Variants in HMCN1 observed in about 807,000 individuals in gnomAD.
HMCN1 encodes hemicentin 1, also known as hemicentin-1.
Under a neutral mutation model 625.9 loss-of-function variants are expected in HMCN1, and 321 were observed. The observed-to-expected ratio is 0.51, with a 90% CI of 0.47 to 0.56. HMCN1 has a LOEUF of 0.56. Among genes scored for constraint, HMCN1 ranks in the 20% least tolerant of loss-of-function variants. The probability of loss-of-function intolerance (pLI) is 0.00; values close to 1 mark genes in which losing one functional copy is unlikely to be tolerated. For missense variants in HMCN1, 6,588 were observed against 6,887.3 expected, an observed-to-expected ratio of 0.96 and a Z score of 1.54; for synonymous variants, 2,425 against 2,417.6, an observed-to-expected ratio of 1.00 and a Z score of -0.09.
At chr1:185,741,017 CA>C (rs1041120023) in intron 1 of HMCN1, among the ~76,000 whole-genome samples, 6 of 151,992 alleles carry the variant, frequency 3.9e-5, no homozygotes, top group Admixed American at 2.0e-4. Flanking sequence ...AAAACAAAAA[CA>C]AAAACAAGTT....
At position 185,864,533 on chromosome 1, in the gene HMCN1, C is replaced by T; in HGVS notation, c.403C>T (p.Pro135Ser). ...AAAAATTGCCTTGGAAATTTCTCTT[C>T]CTGGTTCTTTCATCTATGTTTTCAC... is the stretch of plus-strand genomic sequence containing the variant. ...AIKIALEISL[P>S]GSFIYVFTDA... The change falls in exon 3 of 107, where the codon CCT becomes TCT. Residue 135 changes from proline (P) to serine (S), a missense_variant. Transcript: ENST00000271588. 1 of 1,613,994 alleles carries T rather than the reference C, an allele frequency of 6.2e-7. No homozygotes were observed. The highest frequency in any genetic ancestry group is 8.5e-7 in the Non-Finnish European group (1 of 1,179,928).
intron 1 of HMCN1, among the ~76,000 whole-genome samples, chr1:185,796,432 C>T (rs754605402): frequency 6.6e-5 from 10 of 152,214 alleles, no homozygotes; most frequent in Non-Finnish European, 1.2e-4. Flanking sequence ...GTTCCACCTT[C>T]CCACATTTCT....
intron 69 of HMCN1, 67 bp from the exon 70 acceptor site, chr1:186,106,817 G>A: frequency 9.0e-7 from 1 of 1,113,892 alleles, no homozygotes; most frequent in Non-Finnish European, 1.4e-6. Context: ...TCATTCTAGT[G>A]GATATTTATT....
intron 4 of HMCN1, among the ~76,000 whole-genome samples, chr1:185,886,693 A>G (rs1275037550): frequency 6.6e-6 from 1 of 152,070 alleles, no homozygotes; most frequent in Non-Finnish European, 1.5e-5. Context: ...ATACACTCCA[A>G]TGTCAGCTCT....
chr1:185,796,247 G>A (rs756565376), intron 1 of HMCN1, among the ~76,000 whole-genome samples: 2 of 152,184 alleles, frequency 1.3e-5, no homozygotes, highest in African/African-American at 2.4e-5. Context: ...GATAGGGTTT[G>A]TGCTCCTAGG....
At chr1:185,964,581 A>G (rs1650261171) in intron 13 of HMCN1, among the ~76,000 whole-genome samples, 1 of 152,156 alleles carries the variant, frequency 6.6e-6, no homozygotes, top group African/African-American at 2.4e-5. Flanking sequence ...GGTGAGGGAG[A>G]GAACCAAAAT....
At position 186,055,441 on chromosome 1, in the gene HMCN1, T is replaced by C; in HGVS notation, c.6911T>C (p.Val2304Ala). The C allele has an allele frequency of 6.2e-7, 1 of 1,612,724 alleles. No individual in the cohort carries two copies. Among genetic ancestry groups the C allele is most frequent in the East Asian group, 2.2e-5 (1 of 44,802 alleles). ...NSGSHPTEII[V>A]TRGKSISLEC... ...GGCAGCCACCCTACTGAAATTATTG[T>C]GACCCGAGGGAAGAGTATCTCCTTG... The change falls in exon 45 of 107, where the codon GTG (valine) becomes GCG (alanine). Residue 2304 changes from valine (V) to alanine (A), a missense_variant. This residue lies in a region of HMCN1 where 4,628 missense variants were observed against 4,853.1 expected (regional missense o/e 0.95). Coordinates refer to ENST00000271588, the MANE Select transcript of HMCN1 (RefSeq NM_031935.3).
chr1:186,099,706 A>C (rs1220345550), intron 68 of HMCN1, among the ~76,000 whole-genome samples: 1 of 152,144 alleles, frequency 6.6e-6, no homozygotes, highest in East Asian at 1.9e-4. Flanking sequence ...CTGAGCCCTG[A>C]AGAGTAGGAC....
At position 186,100,047 on chromosome 1, in the gene HMCN1, C is replaced by G. The variant is rs115370193; in HGVS notation, c.10574-3425C>G. ...CAGCCTGTAAATGCAGGGGCCTGGT[C>G]TAGCATGTGGCAGGGGGAGGGGGAG... is the stretch of plus-strand genomic sequence containing the variant. On this transcript the variant is annotated intron_variant, in intron 68 of 106. Coordinates refer to ENST00000271588, the MANE Select transcript of HMCN1 (RefSeq NM_031935.3). 9.6e-3 allele frequency among the ~76,000 whole-genome samples: 1,461 copies of G among 151,970 alleles called. 22 individuals carry two copies. Among genetic ancestry groups the G allele is most frequent in the African/African-American group, 0.033 (1,378 of 41,452 alleles).
intron 93 of HMCN1, among the ~76,000 whole-genome samples, chr1:186,150,319 A>G (rs1650588296): frequency 6.6e-6 from 1 of 152,228 alleles, no homozygotes. Context: ...TTGTCAAAGC[A>G]TGAAATTCAT....
chr1:185,852,390 A>T (rs538759586), intron 2 of HMCN1, among the ~76,000 whole-genome samples: 2 of 152,104 alleles, frequency 1.3e-5, no homozygotes, highest in South Asian at 4.1e-4. Context: ...AAGAAAGCAA[A>T]TACATTTTAA....
chr1:185,772,118 G>A (rs1215377262), intron 1 of HMCN1, among the ~76,000 whole-genome samples: 1 of 152,122 alleles, frequency 6.6e-6, no homozygotes, highest in Non-Finnish European at 1.5e-5. Context: ...ATCTAGAGTG[G>A]CTAAAGAATA....
At chr1:185,971,811 C>A in intron 15 of HMCN1, among the ~76,000 whole-genome samples, 1 of 152,072 alleles carries the variant, frequency 6.6e-6, no homozygotes, top group Non-Finnish European at 1.5e-5. Context: ...GGTGATTATG[C>A]CCTTGGGGGA....
intron 74 of HMCN1, 22 bp downstream of exon 74, chr1:186,114,968 A>G (rs777902165): frequency 6.2e-7 from 1 of 1,614,082 alleles, no homozygotes; most frequent in Non-Finnish European, 8.5e-7. Flanking sequence ...TTTATAGACA[A>G]CATCCGGTCT....
chr1:185,830,761 G>A (rs532762970), intron 1 of HMCN1, among the ~76,000 whole-genome samples: 2 of 152,160 alleles, frequency 1.3e-5, no homozygotes, highest in East Asian at 3.9e-4. Flanking sequence ...GGTGGTGTGT[G>A]CCTGTAGTCT....
rs190199790 is a variant in HMCN1, at chr1:185,768,202, G to A, written c.268+33155G>A. Among the ~76,000 whole-genome samples the A allele has an allele frequency of 5.6e-3, 847 of 152,180 alleles. 7 individuals carry two copies. The highest frequency in any genetic ancestry group is 0.022 in the South Asian group (106 of 4,822). On this transcript the variant is annotated intron_variant, in intron 1 of 106. Transcript: ENST00000271588. Reference sequence around the variant, plus strand: ...ACTTCGTTCAGAAAACTTACAATTGGTATAACCAAGGGCCAGGATGACTCT... The same window carrying A: ...ACTTCGTTCAGAAAACTTACAATTGATATAACCAAGGGCCAGGATGACTCT...
At position 186,189,584 on chromosome 1, in the gene HMCN1, C is replaced by T. The variant is rs907510108; in HGVS notation, c.16614C>T (p.Leu5538=). The T allele has an allele frequency of 1.4e-5, 23 of 1,613,502 alleles. No individual in the cohort carries two copies. Among genetic ancestry groups the T allele is most frequent in the South Asian group, 2.2e-5 (2 of 91,044 alleles). ...ALSPYALEYK[L]VSLPFGIATN... ...GCCCATATGCCTTGGAATACAAACT[C>T]GTCTCCCTCCCATTTGGAATAGCCA... The change falls in exon 107 of 107, where the codon CTC becomes CTT. Residue 5538 remains leucine, a synonymous_variant. Transcript: ENST00000271588.
chr1:186,189,911 A>C lies in HMCN1; in HGVS notation c.*33A>C. 1 of 1,610,252 alleles carries C rather than the reference A, an allele frequency of 6.2e-7. No individual in the cohort carries two copies. Among genetic ancestry groups the C allele is most frequent in the Non-Finnish European group, 8.5e-7 (1 of 1,178,632 alleles). On this transcript the variant is annotated 3_prime_UTR_variant, in exon 107 of 107. Transcript: ENST00000271588. ...TCCAAAGCCTATTCCACATATTTAA[A>C]CCGCATTAATCATGGCAATCAAGCC...
At chr1:185,864,806 T>G (rs569704046) in intron 3 of HMCN1, among the ~76,000 whole-genome samples, 178 bp downstream of exon 3, 1 of 152,348 alleles carries the variant, frequency 6.6e-6, no homozygotes, top group Admixed American at 6.5e-5. Flanking sequence ...TATGTGATAT[T>G]TATACATACC....
Sources: allele counts gnomAD v4.1 joint callset (sites outside exome capture counted in the v4.1 genomes callset), GRCh38; gene constraint gnomAD v4.1.1; regional missense constraint gnomAD v4.1.1; transcripts MANE v1.5; gene names NCBI Gene and HGNC (gene_info 2026-07-23, HGNC 2026-07-21).